USP36: variants seen among roughly 807,000 people sequenced by gnomAD.
The protein encoded by USP36 is ubiquitin specific peptidase 36.
USP36 carries 59 observed loss-of-function variants against 111.5 expected under a neutral mutation model. That is an observed-to-expected ratio of 0.53 (90% CI 0.43 to 0.66). The LOEUF is 0.66. USP36 is among the 30% of genes least tolerant of loss of function. The probability of loss-of-function intolerance (pLI) is 0.00; values close to 1 mark genes in which losing one functional copy is unlikely to be tolerated. For synonymous variants in USP36, 628 were observed against 581.0 expected, an observed-to-expected ratio of 1.08 and a Z score of -1.16; for missense variants, 1,488 against 1,468.0, an observed-to-expected ratio of 1.01 and a Z score of -0.22.
downstream of USP36, among the ~76,000 whole-genome samples, chr17:78,795,304 G>A (rs2093613694): frequency 6.6e-6 from 1 of 152,234 alleles, no homozygotes. This position sits in a 1 kb window ranked among gnomAD's most constrained non-coding sequence, Gnocchi z 4.5. Flanking sequence ...GAGAAGCGAA[G>A]ACATGATGCC....
In USP36 at chr17:78,807,176, G is replaced by C. The variant is rs1308349382; in HGVS notation, c.1868C>G (p.Ser623Cys). Residue 623 changes from serine (S) to cysteine (C), a missense_variant, in exon 14 of 21, where the codon TCC becomes TGC. Physicochemically the swap from Ser to Cys is moderately radical, Grantham distance 112. This residue lies in a region of USP36 where 1,073 missense variants were observed against 994.1 expected (regional missense o/e 1.08). Coordinates refer to ENST00000449938, the MANE Select transcript of USP36 (RefSeq NM_001385174.1). ...SSPEHSASSDSTKAPQTPRSG... is the reference protein window; with the variant it reads ...SSPEHSASSDCTKAPQTPRSG... The stretch of plus-strand genomic sequence containing the variant: ...CCTGGGGGTCTGGGGGGCCTTGGTG[G>C]AGTCGCTGCTGGCCGAGTGCTCTGG... The C allele has an allele frequency of 1.1e-5, 18 of 1,614,102 alleles. No homozygotes were observed. Among genetic ancestry groups the C allele is most frequent in the Non-Finnish European group, 1.4e-5 (17 of 1,180,050 alleles).
chr17:78,797,050 T>C lies in USP36; in HGVS notation c.*850A>G, dbSNP rs575808828. 1 of 152,352 alleles carries C rather than the reference T, an allele frequency of 6.6e-6. No homozygotes were observed. The highest frequency in any genetic ancestry group is 1.5e-5 in the Non-Finnish European group (1 of 68,036). The allele number at this position is 152,352 out of a possible 1,614,324, so 9.4% of individuals were successfully genotyped here. The stretch of plus-strand genomic sequence containing the variant: ...ATATTTGGGAAAGGAAACATATTGC[T>C]AATGGAAGCCACAGGACTGGTCAAA... On this transcript the variant is annotated 3_prime_UTR_variant, in exon 21 of 21. Coordinates refer to ENST00000449938, the MANE Select transcript of USP36 (RefSeq NM_001385174.1).
intron 4 of USP36, among the ~76,000 whole-genome samples, chr17:78,833,329 T>A (rs2068325763): frequency 6.6e-6 from 1 of 152,074 alleles, no homozygotes; most frequent in Admixed American, 6.6e-5. Flanking sequence ...TTGCCCAGGC[T>A]AAAGTGCAGT....
rs763957123 is a variant in USP36 at position 78,797,235 on chromosome 17, C to T, written c.*665G>A. On this transcript the variant is annotated 3_prime_UTR_variant, in exon 21 of 21. Coordinates refer to ENST00000449938, the MANE Select transcript of USP36 (RefSeq NM_001385174.1). ...GGAAAGCAGATGTATTCGCAGGTAT[C>T]GAGGGCTCCTCCGACCCCAAATAGC... 7.2e-5 allele frequency: 11 copies of T among 152,206 alleles called. No individual in the cohort carries two copies. Among genetic ancestry groups the T allele is most frequent in the African/African-American group, 2.7e-4 (11 of 41,446 alleles). 9.4% of individuals were successfully genotyped at this position (152,206 alleles called of 1,614,324 possible).
intron 7 of USP36, chr17:78,821,405 TATATA>T (rs2094320444): frequency 1.7e-5 from 1 of 59,666 alleles, no homozygotes; most frequent in African/African-American, 8.8e-5. Flanking sequence ...TATATATATA[TATATA>T]TATATATATA....
At chr17:78,801,265 C>A (rs188573663) in intron 17 of USP36, among the ~76,000 whole-genome samples, 97 of 152,326 alleles carry the variant, frequency 6.4e-4, no homozygotes, top group Middle Eastern at 3.4e-3. Context: ...CGTGAGCCAC[C>A]ACCCCCGGCC....
rs1020156037 is a variant in USP36 at position 78,831,722 on chromosome 17, C to T, written c.476-2715G>A. On this transcript the variant is annotated intron_variant, in intron 4 of 20. Transcript: ENST00000449938. ...TTTTGGGAGGCTGACGCAGGAGGATCGCTGAGCCCAGGTGTTTGAGACCAG... is the reference window on the plus strand; with the variant it reads ...TTTTGGGAGGCTGACGCAGGAGGATTGCTGAGCCCAGGTGTTTGAGACCAG... 3.3e-5 allele frequency among the ~76,000 whole-genome samples: 5 copies of T among 151,690 alleles called. No individual in the cohort carries two copies. The East Asian group carries it at 5.8e-4, about 18-fold the overall frequency.
downstream of USP36, among the ~76,000 whole-genome samples, chr17:78,792,962 C>T (rs528523900): frequency 6.4e-4 from 98 of 152,166 alleles, no homozygotes; most frequent in Non-Finnish European, 2.1e-4. Flanking sequence ...GTGATCCGCC[C>T]GCCTCAGCCT....
chr17:78,822,103 G>A, intron 6 of USP36, 99 bp from the exon 7 acceptor site: 2 of 1,412,044 alleles, frequency 1.4e-6, no homozygotes, highest in South Asian at 1.2e-5. Flanking sequence ...CACAAGCTCA[G>A]CGTGAGGCTG....
chr17:78,799,155 G>A (rs923141486), intron 18 of USP36, 132 bp from the exon 19 acceptor site: 1 of 887,204 alleles, frequency 1.1e-6, no homozygotes, highest in African/African-American at 1.6e-5. Flanking sequence ...TTGTGGTGAA[G>A]AGAAGGACAA....
chr17:78,827,484 CAA>C (rs2067670120), intron 5 of USP36, 137 bp from the exon 6 acceptor site: 1 of 760,070 alleles, frequency 1.3e-6, no homozygotes, highest in South Asian at 1.9e-5. Context: ...GTGAGGAAAA[CAA>C]GAGCTCTACA....
chr17:78,806,859 C>A, intron 14 of USP36, 100 bp downstream of exon 14: 1 of 1,486,404 alleles, frequency 6.7e-7, no homozygotes, highest in South Asian at 1.3e-5. Context: ...TGAGGGAGGC[C>A]AAAGCCCCCG....
chr17:78,817,753 A>G (rs1247035359), intron 10 of USP36, among the ~76,000 whole-genome samples: 4 of 150,842 alleles, frequency 2.7e-5, no homozygotes. Context: ...AAAAAAAAAG[A>G]GAAAAAAGAA....
rs543865166 is a variant in USP36, at chr17:78,798,729, C to T, written c.3241-178G>A. ...TGCAGTCCCCCTATTGACAAAGGGG[C>T]GGAAGCTGCGAGGATGCATGCCCTG... On this transcript the variant is annotated intron_variant, in intron 19 of 20. Transcript: ENST00000449938. This position sits in a 1 kb window ranked among gnomAD's most constrained non-coding sequence, Gnocchi z 5.1. Among the ~76,000 whole-genome samples, 35 of 152,302 alleles carry T rather than the reference C, an allele frequency of 2.3e-4. No homozygotes were observed. The highest frequency in any genetic ancestry group is 4.4e-4 in the Non-Finnish European group (30 of 68,022).
chr17:78,813,420 G>A (rs1048783993), intron 12 of USP36, among the ~76,000 whole-genome samples: 3 of 152,114 alleles, frequency 2.0e-5, no homozygotes, highest in East Asian at 1.9e-4. Context: ...CCACAAACAC[G>A]TCCTTCCCAG....
chr17:78,827,793 C>T (rs770261328), intron 5 of USP36, among the ~76,000 whole-genome samples: 1 of 152,184 alleles, frequency 6.6e-6, no homozygotes, highest in Non-Finnish European at 1.5e-5. Context: ...CCTGTAGTCC[C>T]AGCTACTTAG....
At position 78,833,422 on chromosome 17, in the gene USP36, C is replaced by T. The variant is rs113156875; in HGVS notation, c.475+1858G>A. On this transcript the variant is annotated intron_variant, in intron 4 of 20. Coordinates refer to ENST00000449938, the MANE Select transcript of USP36 (RefSeq NM_001385174.1). Reference sequence around the variant, plus strand: ...TCAGCCTCCCAAGTAGCTGGGATTACAGGTGTGAGCCACCGTGCCCAGCCA... The same window carrying T: ...TCAGCCTCCCAAGTAGCTGGGATTATAGGTGTGAGCCACCGTGCCCAGCCA... 6.5e-3 allele frequency among the ~76,000 whole-genome samples: 993 copies of T among 152,162 alleles called. 9 individuals are homozygous for T. Among genetic ancestry groups the T allele is most frequent in the African/African-American group, 0.021 (890 of 41,536 alleles).
intron 12 of USP36, 116 bp from the exon 13 acceptor site, chr17:78,813,117 C>G: frequency 7.7e-7 from 1 of 1,294,204 alleles, no homozygotes; most frequent in Non-Finnish European, 1.1e-6. Flanking sequence ...GAAACCCTGC[C>G]AGTCCTAACC....
rs1458464028 is a variant in USP36 at position 78,799,027 on chromosome 17, C to T, written c.3125-4G>A. ...ATCTTGCCATCCCAGGTCAGAACTA[C>T]CAGGCAGACACGGGGGTCAGCACGA... On this transcript the variant is annotated splice_region_variant and splice_polypyrimidine_tract_variant and intron_variant, in intron 18 of 20. Coordinates refer to ENST00000449938, the MANE Select transcript of USP36 (RefSeq NM_001385174.1). 1 of 1,613,746 alleles carries T rather than the reference C, an allele frequency of 6.2e-7. No individual in the cohort carries two copies. Among genetic ancestry groups the T allele is most frequent in the Admixed American group, 1.7e-5 (1 of 60,034 alleles).
Sources: allele counts gnomAD v4.1 joint callset (sites outside exome capture counted in the v4.1 genomes callset), GRCh38; gene constraint gnomAD v4.1.1; regional missense constraint gnomAD v4.1.1; non-coding constraint Gnocchi (gnomAD v3.1); transcripts MANE v1.5; gene names NCBI Gene and HGNC (gene_info 2026-07-23, HGNC 2026-07-21).